The following USP50 variants were observed in gnomAD, a reference collection of about 807,000 sequenced individuals.
USP50 encodes ubiquitin specific peptidase 50, also known as ubiquitin carboxyl-terminal hydrolase 50.
USP50 carries 37 observed loss-of-function variants against 39.2 expected under a neutral mutation model. That is an observed-to-expected ratio of 0.94 (90% CI 0.73 to 1.24). The LOEUF (loss-of-function observed/expected upper bound fraction) is 1.24. Among genes scored for constraint, USP50 ranks in the 50% most tolerant of loss-of-function variants. USP50 has a pLI of 0.00. For missense variants in USP50, 374 were observed against 398.2 expected (o/e 0.94, Z 0.52); for synonymous variants, 139 against 144.5 (o/e 0.96, Z 0.27).
At chr15:50,508,389 A>AG (rs1481946271) in intron 6 of USP50, 24 of 152,320 alleles carry the variant, frequency 1.6e-4, no homozygotes, top group African/African-American at 5.5e-4. Flanking sequence ...ATCTTGCTTC[A>AG]GCAAGCTAGT....
intron 1 of USP50, among the ~76,000 whole-genome samples, chr15:50,545,525 T>C (rs1430134423): frequency 6.6e-6 from 1 of 151,288 alleles, no homozygotes; most frequent in African/African-American, 2.4e-5. Context: ...ATTGTCTATA[T>C]ATATTAAGAT....
At chr15:50,524,228 T>C (rs76077201) in intron 6 of USP50, among the ~76,000 whole-genome samples, 2,078 of 152,310 alleles carry the variant, frequency 0.014, 53 homozygotes, top group African/African-American at 0.048. Context: ...TTATTTTGGA[T>C]GTAACCCTAA....
intron 6 of USP50, chr15:50,501,998 T>G (rs1247928592): frequency 6.6e-6 from 1 of 152,240 alleles, no homozygotes; most frequent in Non-Finnish European, 1.5e-5. Context: ...AACTGAATAG[T>G]TGCAGCCAAT....
At chr15:50,545,858 A>G (rs2141383692) in intron 1 of USP50, among the ~76,000 whole-genome samples, 1 of 151,846 alleles carries the variant, frequency 6.6e-6, no homozygotes, top group South Asian at 2.1e-4. Flanking sequence ...GCCTGATAGG[A>G]TGGTTGTGAG....
chr15:50,496,208 C>T (rs2052396003), downstream of USP50: 1 of 778,964 alleles, frequency 1.3e-6, no homozygotes, highest in Non-Finnish European at 2.0e-6. Context: ...CGGCCGGGCG[C>T]AGTGGCTCAT....
intron 6 of USP50, among the ~76,000 whole-genome samples, chr15:50,525,558 ATATATGTATATATG>A (rs1194167928): frequency 5.0e-3 from 539 of 107,130 alleles, no homozygotes; most frequent in Middle Eastern, 0.028. Context: ...ATATATGTGT[ATATATGTATATATG>A]TATATGTATA....
intron 6 of USP50, among the ~76,000 whole-genome samples, chr15:50,518,414 G>A (rs775872577): frequency 5.3e-5 from 8 of 151,488 alleles, no homozygotes; most frequent in African/African-American, 1.7e-4. Context: ...TAGTAGAGAC[G>A]GGGTTTCACC....
At chr15:50,499,883 A>ATTCT (rs1040217119), downstream of USP50, 50 of 152,282 alleles carry the variant, frequency 3.3e-4, no homozygotes, top group African/African-American at 1.1e-3. Flanking sequence ...ACCCAGAGTC[A>ATTCT]TTCTTTCAAG....
In USP50 at chr15:50,541,260, T is replaced by C. The variant is rs1331201970; in HGVS notation, c.449A>G (p.His150Arg). The C allele has an allele frequency of 1.2e-6, 2 of 1,612,490 alleles. No individual in the cohort carries two copies. The highest frequency in any genetic ancestry group is 2.2e-5 in the South Asian group (2 of 90,932). Residue 150 changes from histidine (H) to arginine (R), a missense_variant, in exon 4 of 7, where the codon CAC (histidine) becomes CGC (arginine). Transcript: ENST00000532404. ...NELHEALKKYHYSRRRSYEKG... is the reference protein window; with the variant it reads ...NELHEALKKYRYSRRRSYEKG... Reference sequence around the variant, plus strand: ...CTCATATGATCTTCTCCGGGAGTAGTGGTACTGAATCAAGGAGCAAATTTC... The same window carrying C: ...CTCATATGATCTTCTCCGGGAGTAGCGGTACTGAATCAAGGAGCAAATTTC...
chr15:50,523,207 C>A (rs1193708916), intron 6 of USP50, among the ~76,000 whole-genome samples: 1 of 101,764 alleles, frequency 9.8e-6, no homozygotes, highest in Admixed American at 1.4e-4. Context: ...GAGACAGGGT[C>A]TTGCTCTGTC....
At chr15:50,510,030 A>G (rs2052716908) in intron 6 of USP50, 1 of 152,114 alleles carries the variant, frequency 6.6e-6, no homozygotes, top group South Asian at 2.1e-4. Context: ...AGCTAAATTA[A>G]GAATTAATTC....
At chr15:50,525,578 G>GTA (rs2052885087) in intron 6 of USP50, among the ~76,000 whole-genome samples, 1 of 141,212 alleles carries the variant, frequency 7.1e-6, no homozygotes, top group South Asian at 2.2e-4. Context: ...ATATGTATAT[G>GTA]TATATATGTA....
rs1176570047 is a variant in USP50 at position 50,533,694 on chromosome 15, C to A, written c.804-3765G>T. ...TTAAGGGAATTTTTTGCCAGTAGAC[C>A]TGCCTTGCAAGAATGTTAAAAGAGG... On this transcript the variant is annotated intron_variant, in intron 5 of 6. Transcript: ENST00000532404. Among the ~76,000 whole-genome samples the A allele has an allele frequency of 3.3e-5, 5 of 152,132 alleles. No homozygotes were observed. The South Asian group carries it at 1.0e-3, about 31-fold the overall frequency.
intron 2 of USP50, 25 bp from the exon 3 acceptor site, chr15:50,543,818 T>C: frequency 3.1e-6 from 5 of 1,591,700 alleles, no homozygotes; most frequent in Non-Finnish European, 4.3e-6. Flanking sequence ...GGGATATGTT[T>C]CTGGCTGATT....
At chr15:50,515,024 A>T (rs1345496232) in intron 6 of USP50, among the ~76,000 whole-genome samples, 2 of 147,588 alleles carry the variant, frequency 1.4e-5, no homozygotes, top group South Asian at 2.2e-4. Flanking sequence ...AGTATTTTTT[A>T]AAAAACATGA....
At position 50,532,088 on chromosome 15, in the gene USP50, T is replaced by G. The variant is rs1348517133; in HGVS notation, c.804-2159A>C. ...AAAACCTGAACTGTAATTGATGAAT[T>G]GCTAGAGGCTCAGTGCAGAGTCTGA... On this transcript the variant is annotated intron_variant, in intron 5 of 6. Transcript: ENST00000532404. 1.1e-5 allele frequency: 5 copies of G among 456,030 alleles called. No homozygotes were observed. The East Asian group carries it at 2.8e-4, about 25-fold the overall frequency. The allele number at this position is 456,030 out of a possible 1,614,324, so 28.2% of individuals were successfully genotyped here.
At chr15:50,525,638 ATATGTG>A (rs1293229262) in intron 6 of USP50, among the ~76,000 whole-genome samples, 81 of 108,276 alleles carry the variant, frequency 7.5e-4, no homozygotes, top group East Asian at 7.2e-3. Flanking sequence ...GTATATATGT[ATATGTG>A]TATATGTATA....
At chr15:50,493,343 A>G (rs1018841953), downstream of USP50, 3 of 520,620 alleles carry the variant, frequency 5.8e-6, no homozygotes, top group African/African-American at 3.8e-5. Flanking sequence ...GTAGGGCTAC[A>G]GTATGTGAAT....
At chr15:50,513,945 T>C (rs2052772976) in intron 6 of USP50, 1 of 152,208 alleles carries the variant, frequency 6.6e-6, no homozygotes, top group East Asian at 1.9e-4. Flanking sequence ...GTGTACACTA[T>C]GTTCACCAAA....
Sources: gnomAD v4.1 joint callset for allele counts (sites outside exome capture counted in the v4.1 genomes callset) on GRCh38, gnomAD v4.1.1 for gene constraint, MANE v1.5 for transcripts, NCBI Gene and HGNC (gene_info 2026-07-23, HGNC 2026-07-21) for gene names.